The following RPS6KA2 variants were observed in gnomAD, a reference collection of about 807,000 sequenced individuals.
The protein encoded by RPS6KA2 is ribosomal protein S6 kinase alpha-2.
In RPS6KA2, 42 loss-of-function variants were observed where a neutral mutation model predicts 91.8. That is an observed-to-expected ratio of 0.46 (90% CI 0.36 to 0.59). RPS6KA2 has a LOEUF of 0.59. Among genes scored for constraint, RPS6KA2 ranks in the 20% least tolerant of loss-of-function variants. The pLI, the probability that RPS6KA2 is intolerant of heterozygous loss-of-function variation, is 0.00. For synonymous variants in RPS6KA2, 414 were observed against 393.6 expected (o/e 1.05, Z -0.61); for missense variants, 798 against 978.5 (o/e 0.82, Z 2.46).
At chr6:166,760,435 G>GATCT (rs1778135714) in intron 2 of RPS6KA2, among the ~76,000 whole-genome samples, 1 of 152,210 alleles carries the variant, frequency 6.6e-6, no homozygotes, top group Non-Finnish European at 1.5e-5. Context: ...TCACCAAAGC[G>GATCT]ATCTACTGAA....
At chr6:166,826,606 G>A (rs568887452) in intron 2 of RPS6KA2, among the ~76,000 whole-genome samples, 2 of 152,140 alleles carry the variant, frequency 1.3e-5, no homozygotes, top group East Asian at 1.9e-4. Context: ...GCTTTTCTAC[G>A]GATTATAAAA....
chr6:166,713,122 G>T (rs59893776), intron 2 of RPS6KA2, among the ~76,000 whole-genome samples: 2,191 of 152,242 alleles, frequency 0.014, 58 homozygotes, highest in African/African-American at 0.05. Context: ...GACCTCCTCT[G>T]CCAGGCCACC....
chr6:166,785,979 T>C (rs1403828348), intron 2 of RPS6KA2, among the ~76,000 whole-genome samples: 2 of 152,238 alleles, frequency 1.3e-5, no homozygotes, highest in African/African-American at 4.8e-5. Flanking sequence ...TTTTATTTTC[T>C]TTTTAAAAAT....
chr6:166,717,105 G>A (rs1790035363), intron 2 of RPS6KA2, among the ~76,000 whole-genome samples: 3 of 152,176 alleles, frequency 2.0e-5, no homozygotes, highest in South Asian at 2.1e-4. Flanking sequence ...GAGGCCACGC[G>A]CTCACCTCTG....
chr6:166,772,501 A>G (rs1328982639), intron 2 of RPS6KA2, among the ~76,000 whole-genome samples: 1 of 152,254 alleles, frequency 6.6e-6, no homozygotes, highest in Non-Finnish European at 1.5e-5. Flanking sequence ...GAGCCAACAA[A>G]TTGCCAATTT....
chr6:166,601,605 A>C (rs1052753429), intron 1 of RPS6KA2, among the ~76,000 whole-genome samples: 2 of 152,224 alleles, frequency 1.3e-5, no homozygotes, highest in African/African-American at 4.8e-5. Context: ...CTCCATCCTT[A>C]TAGGGAATTG....
intron 2 of RPS6KA2, among the ~76,000 whole-genome samples, chr6:166,758,092 G>A (rs538974141): frequency 3.3e-5 from 5 of 152,362 alleles, no homozygotes; most frequent in South Asian, 2.1e-4. Flanking sequence ...GGCTGGCAAC[G>A]TGCCTTAGCA....
chr6:166,816,547 T>C (rs1779770410), intron 2 of RPS6KA2, among the ~76,000 whole-genome samples: 2 of 148,494 alleles, frequency 1.3e-5, no homozygotes, highest in South Asian at 4.2e-4. Flanking sequence ...AGAGCAAGAC[T>C]CCATCTCAAA....
intron 2 of RPS6KA2, among the ~76,000 whole-genome samples, chr6:166,772,625 C>T (rs1014571158): frequency 6.6e-6 from 1 of 152,184 alleles, no homozygotes; most frequent in African/African-American, 2.4e-5. Flanking sequence ...AAATGTGCCG[C>T]AATGTTGTGC....
chr6:166,680,716 C>T (rs570331254), intron 2 of RPS6KA2, among the ~76,000 whole-genome samples: 1 of 152,198 alleles, frequency 6.6e-6, no homozygotes, highest in South Asian at 2.1e-4. Context: ...GGAAAAAATT[C>T]TGGACATATC....
chr6:166,810,781 CAT>C (rs1397841192), intron 2 of RPS6KA2, among the ~76,000 whole-genome samples: 1 of 152,240 alleles, frequency 6.6e-6, no homozygotes, highest in East Asian at 1.9e-4. Flanking sequence ...AGTTTGGACA[CAT>C]GTCAATTTCC....
intron 2 of RPS6KA2, among the ~76,000 whole-genome samples, chr6:166,680,081 G>C (rs1396980950): frequency 1.3e-5 from 2 of 152,206 alleles, no homozygotes; most frequent in Non-Finnish European, 2.9e-5. Flanking sequence ...GCACCAATCA[G>C]CACTCTGTGT....
intron 2 of RPS6KA2, among the ~76,000 whole-genome samples, chr6:166,755,112 T>C (rs1777969933): frequency 6.6e-6 from 1 of 152,148 alleles, no homozygotes; most frequent in African/African-American, 2.4e-5. Flanking sequence ...CCAACAAATG[T>C]ATGATTCCTC....
At chr6:166,536,255 G>A (rs1049452621) in intron 2 of RPS6KA2, among the ~76,000 whole-genome samples, 7 of 152,222 alleles carry the variant, frequency 4.6e-5, no homozygotes, top group African/African-American at 1.2e-4. Flanking sequence ...TCTTTGGAGC[G>A]GAGGCAGGAG....
intron 19 of RPS6KA2, among the ~76,000 whole-genome samples, chr6:166,414,893 C>T (rs1445946364): frequency 2.0e-5 from 3 of 152,086 alleles, no homozygotes; most frequent in Non-Finnish European, 4.4e-5. Flanking sequence ...GGTGAAACCC[C>T]GTCTCTTCTA....
chr6:166,520,686 C>A (rs759592007), intron 3 of RPS6KA2, among the ~76,000 whole-genome samples: 1 of 152,204 alleles, frequency 6.6e-6, no homozygotes, highest in Admixed American at 6.5e-5. Context: ...TAGAAAAGGC[C>A]TATCTTGCCA....
At chr6:166,611,435 T>C (rs1786171715) in intron 1 of RPS6KA2, among the ~76,000 whole-genome samples, 1 of 152,256 alleles carries the variant, frequency 6.6e-6, no homozygotes, top group African/African-American at 2.4e-5. Flanking sequence ...ATCCTGCTCC[T>C]GGCCAGAGGA....
Position 166,495,009 on chromosome 6 carries a change from C to G in RPS6KA2, c.747+3499G>C, listed in dbSNP as rs1156832944. 6.6e-6 allele frequency among the ~76,000 whole-genome samples: 1 copy of G among 152,186 alleles called. No individual in the cohort carries two copies. Among genetic ancestry groups the G allele is most frequent in the Non-Finnish European group, 1.5e-5 (1 of 68,038 alleles). The stretch of plus-strand genomic sequence containing the variant: ...ATTCAGAAGTCACTTCTGATGCCAC[C>G]CACGGACGTGTGGGAAGCGTGGGGC... On this transcript the variant is annotated intron_variant, in intron 8 of 20. Coordinates refer to ENST00000265678, the MANE Select transcript of RPS6KA2 (RefSeq NM_021135.6). The surrounding 1 kb of genome is among the most constrained non-coding windows in gnomAD (Gnocchi z 4.4).
intron 1 of RPS6KA2, among the ~76,000 whole-genome samples, chr6:166,600,785 T>C (rs555067157): frequency 2.0e-5 from 3 of 152,334 alleles, no homozygotes; most frequent in South Asian, 4.1e-4. Context: ...AAGAAGCTCA[T>C]TGCACAAAGT....
Sources: allele counts gnomAD v4.1 joint callset (sites outside exome capture counted in the v4.1 genomes callset), GRCh38; gene constraint gnomAD v4.1.1; non-coding constraint Gnocchi (gnomAD v3.1); transcripts MANE v1.5; gene names NCBI Gene and HGNC (gene_info 2026-07-23, HGNC 2026-07-21).